Variants in ANK2 observed in about 807,000 individuals in gnomAD.
ANK2 encodes ankyrin-2.
ANK2 carries 83 observed loss-of-function variants against 360.5 expected under a neutral mutation model. The ratio of observed to expected loss-of-function variants is 0.23; its 90% CI spans 0.19 to 0.28. The LOEUF is 0.28. Ranked by LOEUF, ANK2 falls within the 10% of genes least tolerant of loss-of-function variation. The probability of loss-of-function intolerance (pLI) is 1.00; values close to 1 mark genes in which losing one functional copy is unlikely to be tolerated. For missense variants in ANK2, 4,201 were observed against 4,795.7 expected (o/e 0.88, Z 3.66); for synonymous variants, 1,740 against 1,759.5 (o/e 0.99, Z 0.28).
chr4:113,028,861 T>C (rs2059808738), intron 2 of ANK2, among the ~76,000 whole-genome samples: 1 of 152,114 alleles, frequency 6.6e-6, no homozygotes. Flanking sequence ...CCAAAGACCA[T>C]CTACTTCCAT....
chr4:113,290,380 C>G (rs1225917968), intron 20 of ANK2, among the ~76,000 whole-genome samples: 1 of 151,920 alleles, frequency 6.6e-6, no homozygotes, highest in African/African-American at 2.4e-5. Context: ...GGATTCATTG[C>G]TTTAAAAATG....
intron 14 of ANK2, among the ~76,000 whole-genome samples, chr4:113,267,737 T>C: frequency 6.6e-6 from 1 of 152,338 alleles, no homozygotes; most frequent in South Asian, 2.1e-4. Flanking sequence ...ATATGGGCTC[T>C]TTTTTGGTTC....
intron 13 of ANK2, among the ~76,000 whole-genome samples, chr4:113,262,000 C>A (rs1240638123): frequency 6.6e-6 from 1 of 152,038 alleles, no homozygotes; most frequent in African/African-American, 2.4e-5. Context: ...TTGCAATGAG[C>A]CTAGATTGCA....
intron 26 of ANK2, among the ~76,000 whole-genome samples, chr4:113,319,882 A>G (rs998067956): frequency 2.0e-5 from 3 of 152,214 alleles, no homozygotes; most frequent in Non-Finnish European, 2.9e-5. Context: ...ACCTGGATGT[A>G]GAGTATTGTA....
At chr4:113,178,098 A>C (rs1044602813) in intron 2 of ANK2, among the ~76,000 whole-genome samples, 4 of 152,060 alleles carry the variant, frequency 2.6e-5, no homozygotes, top group Admixed American at 2.0e-4. Flanking sequence ...AAGTAAATGC[A>C]AGGCCAGGTG....
chr4:113,108,624 A>G (rs1347035714), intron 1 of ANK2, among the ~76,000 whole-genome samples: 5 of 152,150 alleles, frequency 3.3e-5, no homozygotes, highest in Non-Finnish European at 5.9e-5. Context: ...TTTCTTAAGT[A>G]AAGTTTCGCT....
chr4:113,032,428 G>T (rs1176914164), intron 2 of ANK2, among the ~76,000 whole-genome samples: 1 of 152,006 alleles, frequency 6.6e-6, no homozygotes, highest in African/African-American at 2.4e-5. Flanking sequence ...CCAGTGCCGG[G>T]TGTTCTTCAT....
At chr4:113,063,159 T>G (rs2074235247) in intron 1 of ANK2, among the ~76,000 whole-genome samples, 1 of 152,068 alleles carries the variant, frequency 6.6e-6, no homozygotes, top group African/African-American at 2.4e-5. Flanking sequence ...AGTGTGTGTA[T>G]TTGAGCCAAA....
chr4:112,719,852 A>G, the ANK2 span, among the ~76,000 whole-genome samples: 2 of 152,120 alleles, frequency 1.3e-5, no homozygotes, highest in Admixed American at 1.3e-4. Context: ...TAAGATAGAA[A>G]GGGAATATCA....
chr4:112,937,706 G>A (rs1035817827), intron 2 of ANK2, among the ~76,000 whole-genome samples: 9 of 152,294 alleles, frequency 5.9e-5, no homozygotes, highest in Non-Finnish European at 8.8e-5. Flanking sequence ...ATTCATTATT[G>A]TTATGCTCTG....
intron 2 of ANK2, among the ~76,000 whole-genome samples, chr4:112,965,584 G>A (rs2036888442): frequency 6.6e-6 from 1 of 152,160 alleles, no homozygotes; most frequent in Non-Finnish European, 1.5e-5. Context: ...TTTTCTTATA[G>A]TAGTTTTGTA....
chr4:113,134,330 C>T (rs1393508668), intron 1 of ANK2, among the ~76,000 whole-genome samples: 2 of 126,032 alleles, frequency 1.6e-5, no homozygotes, highest in Non-Finnish European at 3.2e-5. Flanking sequence ...AGAGAGAACC[C>T]AAGGACAAAA....
chr4:112,955,734 C>G (rs1251409583), intron 2 of ANK2, among the ~76,000 whole-genome samples: 1 of 151,854 alleles, frequency 6.6e-6, no homozygotes, highest in African/African-American at 2.4e-5. Context: ...CATATAATTA[C>G]CAATATTTAT....
At chr4:112,884,274 T>C (rs2077634761) in intron 1 of ANK2, among the ~76,000 whole-genome samples, 1 of 152,040 alleles carries the variant, frequency 6.6e-6, no homozygotes, top group East Asian at 1.9e-4. Context: ...AGATCAGGAG[T>C]TTGATTATTT....
chr4:113,091,461 A>T (rs1445944229), intron 1 of ANK2, among the ~76,000 whole-genome samples: 9 of 152,112 alleles, frequency 5.9e-5, no homozygotes, highest in Admixed American at 4.6e-4. Flanking sequence ...TCTGCAGTGA[A>T]TTTTTTCCAG....
the ANK2 span, among the ~76,000 whole-genome samples, chr4:112,748,929 C>A: frequency 6.6e-6 from 1 of 152,156 alleles, no homozygotes; most frequent in Non-Finnish European, 1.5e-5. Context: ...GATGGAGTTT[C>A]GCTCTTGTCA....
intron 2 of ANK2, among the ~76,000 whole-genome samples, chr4:113,026,213 G>GT (rs1264314332): frequency 6.6e-6 from 1 of 152,150 alleles, no homozygotes; most frequent in Non-Finnish European, 1.5e-5. Context: ...CTGTTGTCAT[G>GT]TAGGAATGGG....
intron 1 of ANK2, among the ~76,000 whole-genome samples, chr4:113,125,458 T>G (rs2095609120): frequency 1.3e-5 from 2 of 152,152 alleles, no homozygotes; most frequent in Admixed American, 1.3e-4. Flanking sequence ...CAGAAAGCTG[T>G]TTACTAAGTT....
At chr4:112,795,001 A>G in the ANK2 span, among the ~76,000 whole-genome samples, 2 of 152,250 alleles carry the variant, frequency 1.3e-5, no homozygotes, top group Non-Finnish European at 2.9e-5. Context: ...ATGAATGTCA[A>G]GCAACAATAG....
Sources: allele counts gnomAD v4.1 joint callset (sites outside exome capture counted in the v4.1 genomes callset), GRCh38; gene constraint gnomAD v4.1.1; transcripts MANE v1.5; gene names NCBI Gene and HGNC (gene_info 2026-07-23, HGNC 2026-07-21).